CACNG8: variants seen among roughly 807,000 people sequenced by gnomAD.
CACNG8 encodes voltage-dependent calcium channel gamma-8 subunit.
A neutral mutation model predicts 26.9 loss-of-function variants in CACNG8; 5 were observed. The observed-to-expected ratio is 0.19, with a 90% CI of 0.10 to 0.39. CACNG8 has a LOEUF of 0.39. Among genes scored for constraint, CACNG8 ranks in the 10% least tolerant of loss-of-function variants. The pLI, the probability that CACNG8 is intolerant of heterozygous loss-of-function variation, is 1.00. For synonymous variants in CACNG8, 321 were observed against 296.7 expected (o/e 1.08, Z -0.84); for missense variants, 473 against 609.4 (o/e 0.78, Z 2.36).
rs1218138475 is a variant in CACNG8 at position 53,977,856 on chromosome 19, A to G, written c.284-290A>G. On this transcript the variant is annotated intron_variant, in intron 1 of 3. Coordinates refer to ENST00000270458, the MANE Select transcript of CACNG8 (RefSeq NM_031895.6). ...CCAGAGTGCTGGAGCAACTTAGCGC[A>G]GCTTACAGGACCAAGGTCCTGTAGC... Among the ~76,000 whole-genome samples the G allele has an allele frequency of 5.3e-5, 8 of 152,246 alleles. No individual in the cohort carries two copies. The East Asian group carries it at 1.5e-3, about 29-fold the overall frequency.
chr19:53,980,523 C>T (rs1230195997), intron 3 of CACNG8, among the ~76,000 whole-genome samples: 1 of 151,826 alleles, frequency 6.6e-6, no homozygotes, highest in Admixed American at 6.6e-5. Flanking sequence ...CGTCCAGGGC[C>T]GGGAAGTGGA....
intron 1 of CACNG8, among the ~76,000 whole-genome samples, chr19:53,974,093 T>G (rs1242566713): frequency 2.0e-5 from 3 of 151,744 alleles, no homozygotes; most frequent in Non-Finnish European, 4.4e-5. Flanking sequence ...GGAAACTCAG[T>G]ACCCGTTAAA....
At chr19:53,978,306 A>G in intron 2 of CACNG8, 77 bp downstream of exon 2, 1 of 1,140,138 alleles carries the variant, frequency 8.8e-7, no homozygotes. Context: ...GGGTGCCGGG[A>G]AAAGGCACTG....
At chr19:53,965,122 G>A (rs540210805) in intron 1 of CACNG8, among the ~76,000 whole-genome samples, 6 of 152,302 alleles carry the variant, frequency 3.9e-5, no homozygotes, top group East Asian at 1.9e-4. Context: ...GAAAGGGGCC[G>A]AGCCAAGAGC....
Position 53,977,757 on chromosome 19 carries a change from T to G in CACNG8, c.284-389T>G, listed in dbSNP as rs200673763. 3.3e-5 allele frequency among the ~76,000 whole-genome samples: 5 copies of G among 152,194 alleles called. No individual in the cohort carries two copies. The East Asian group carries it at 9.7e-4, about 29-fold the overall frequency. ...CGCATTTCCAGACTTTTCAACCAATTGAGAGGTGGGAAGCGCCTTGCTATT... is the reference window on the plus strand; with the variant it reads ...CGCATTTCCAGACTTTTCAACCAATGGAGAGGTGGGAAGCGCCTTGCTATT... On this transcript the variant is annotated intron_variant, in intron 1 of 3. Transcript: ENST00000270458.
rs1426676880 is a variant in CACNG8 at position 53,983,555 on chromosome 19, A to T, written c.*706A>T. 1.3e-5 allele frequency: 2 copies of T among 152,358 alleles called. No individual in the cohort carries two copies. The highest frequency in any genetic ancestry group is 1.3e-4 in the Admixed American group (2 of 15,290). The allele number at this position is 152,358 out of a possible 1,614,324, so 9.4% of individuals were successfully genotyped here. A position where few individuals can be genotyped will look rare whatever the true frequency, so the allele number is the denominator to read the frequency against. On this transcript the variant is annotated 3_prime_UTR_variant, in exon 4 of 4. Transcript: ENST00000270458. ...GCGTGCAGGAGGCAGGAAAACAGCC[A>T]GGGGCCCCGACGTCTCATAGAGTAA...
chr19:53,985,311 C>G lies in CACNG8; in HGVS notation c.*2462C>G, dbSNP rs539547154. 1 of 93,516 alleles carries G rather than the reference C, an allele frequency of 1.1e-5. No individual in the cohort carries two copies. The highest frequency in any genetic ancestry group is 3.5e-4 in the South Asian group (1 of 2,822). 5.8% of individuals were successfully genotyped at this position (93,516 alleles called of 1,614,324 possible). On this transcript the variant is annotated 3_prime_UTR_variant, in exon 4 of 4. Coordinates refer to ENST00000270458, the MANE Select transcript of CACNG8 (RefSeq NM_031895.6). ...TGGTGCCATGCTGCCAGGGGCTCTGCGTGCCCTTCTCTTGACGGAAGGGTA... is the reference window on the plus strand; with the variant it reads ...TGGTGCCATGCTGCCAGGGGCTCTGGGTGCCCTTCTCTTGACGGAAGGGTA...
Position 53,983,674 on chromosome 19 carries a change from C to G in CACNG8, c.*825C>G, listed in dbSNP as rs2069389665. On this transcript the variant is annotated 3_prime_UTR_variant, in exon 4 of 4. Transcript: ENST00000270458. ...GAGAAACGAGATGCTATGAAATGCT[C>G]CATCAGGGGAGCCTAACCCAGTTGT... 1 of 152,318 alleles carries G rather than the reference C, an allele frequency of 6.6e-6. No homozygotes were observed. The highest frequency in any genetic ancestry group is 1.5e-5 in the Non-Finnish European group (1 of 68,094). The allele number at this position is 152,318 out of a possible 1,614,324, so 9.4% of individuals were successfully genotyped here. A position where few individuals can be genotyped will look rare whatever the true frequency, so the allele number is the denominator to read the frequency against.
chr19:53,963,082 C>G lies in CACNG8; in HGVS notation c.-61C>G. 3 of 1,139,828 alleles carry G rather than the reference C, an allele frequency of 2.6e-6. No homozygotes were observed. Among genetic ancestry groups the G allele is most frequent in the Non-Finnish European group, 3.4e-6 (3 of 878,250 alleles). 70.6% of individuals were successfully genotyped at this position (1,139,828 alleles called of 1,614,324 possible). ...CTGTGAACCCCCCCCCAGCCGCCGGCACGGCCCCGCCCCCGCTGCCCCGGT... is the reference window on the plus strand; with the variant it reads ...CTGTGAACCCCCCCCCAGCCGCCGGGACGGCCCCGCCCCCGCTGCCCCGGT... On this transcript the variant is annotated 5_prime_UTR_variant, in exon 1 of 4. Transcript: ENST00000270458.
chr19:53,967,468 C>T (rs966161618), intron 1 of CACNG8, among the ~76,000 whole-genome samples: 1 of 152,212 alleles, frequency 6.6e-6, no homozygotes. Flanking sequence ...ATCACGACTA[C>T]TCGTGAAAAC....
intron 3 of CACNG8, 129 bp from the exon 4 acceptor site, chr19:53,981,951 C>CGGGGTGGGGCCTAGACCGCCTG: frequency 1.0e-6 from 1 of 961,786 alleles, no homozygotes; most frequent in Non-Finnish European, 1.4e-6. Flanking sequence ...CTAGACCACT[C>CGGGGTGGGGCCTAGACCGCCTG]GGGGTGGGGC....
chr19:53,971,874 G>A (rs1055786895), intron 1 of CACNG8, among the ~76,000 whole-genome samples: 3 of 152,198 alleles, frequency 2.0e-5, no homozygotes, highest in African/African-American at 7.2e-5. Context: ...GCCCGGGTCT[G>A]CGCTAGGCAG....
chr19:53,966,285 A>T (rs1355318403), intron 1 of CACNG8, among the ~76,000 whole-genome samples: 1 of 151,746 alleles, frequency 6.6e-6, no homozygotes, highest in East Asian at 1.9e-4. Context: ...ACAGGGTTTT[A>T]CCATGTTGGC....
chr19:53,969,768 T>G (rs1243558149), intron 1 of CACNG8, among the ~76,000 whole-genome samples: 1 of 152,204 alleles, frequency 6.6e-6, no homozygotes, highest in Non-Finnish European at 1.5e-5. Flanking sequence ...TAGAATGTAA[T>G]GACTGAAACA....
chr19:53,981,285 G>A (rs566286456), intron 3 of CACNG8, among the ~76,000 whole-genome samples: 64 of 152,284 alleles, frequency 4.2e-4, no homozygotes, highest in African/African-American at 1.5e-3. Context: ...GGTGGAGGTA[G>A]ACTAACTAGG....
chr19:53,976,120 G>A (rs530011708), intron 1 of CACNG8, among the ~76,000 whole-genome samples: 40 of 152,314 alleles, frequency 2.6e-4, no homozygotes, highest in Admixed American at 4.6e-4. Context: ...TGAGGCGGGC[G>A]GATCACTTGA....
chr19:53,963,580 C>T (rs2069255451), intron 1 of CACNG8, among the ~76,000 whole-genome samples, 155 bp downstream of exon 1: 2 of 152,002 alleles, frequency 1.3e-5, no homozygotes, highest in East Asian at 2.0e-4. Context: ...GCGCCCCTGA[C>T]CTCCTCTCCC....
intron 1 of CACNG8, among the ~76,000 whole-genome samples, chr19:53,977,579 CCT>C (rs2069337110): frequency 1.3e-5 from 2 of 152,126 alleles, no homozygotes; most frequent in Non-Finnish European, 2.9e-5. Flanking sequence ...GAGACTGGAA[CCT>C]CTCTCTCCCC....
chr19:53,981,998 G>A, intron 3 of CACNG8, 82 bp from the exon 4 acceptor site: 2 of 1,408,242 alleles, frequency 1.4e-6, no homozygotes, highest in East Asian at 2.9e-5. Flanking sequence ...GCCCGCTGGC[G>A]CAGGCGGGCA....
Sources: allele counts gnomAD v4.1 joint callset (sites outside exome capture counted in the v4.1 genomes callset), GRCh38; gene constraint gnomAD v4.1.1; transcripts MANE v1.5; gene names NCBI Gene and HGNC (gene_info 2026-07-23, HGNC 2026-07-21).